The following LYRM4 variants were observed in gnomAD, a reference collection of about 807,000 sequenced individuals.
LYRM4 encodes the protein LYR motif containing 4.
LYRM4 carries 9 observed loss-of-function variants against 11.7 expected under a neutral mutation model. The observed-to-expected ratio is 0.77, with a 90% CI of 0.46 to 1.34. The LOEUF (loss-of-function observed/expected upper bound fraction) is 1.34. LYRM4 is among the 40% of genes most tolerant of loss of function. LYRM4 has a pLI of 0.00. For missense variants in LYRM4, 133 were observed against 112.5 expected, an observed-to-expected ratio of 1.18 and a Z score of -0.82; for synonymous variants, 42 against 40.4, an observed-to-expected ratio of 1.04 and a Z score of -0.15.
chr6:5,068,402 G>A, the LYRM4 span, among the ~76,000 whole-genome samples: 1 of 152,178 alleles, frequency 6.6e-6, no homozygotes, highest in Non-Finnish European at 1.5e-5. The surrounding 1 kb of genome is among the most constrained non-coding windows in gnomAD (Gnocchi z 4.0). Flanking sequence ...ATGGGCCACT[G>A]TTTACTGTCC....
At chr6:5,248,375 A>C (rs902060586) in intron 1 of LYRM4, among the ~76,000 whole-genome samples, 2 of 152,202 alleles carry the variant, frequency 1.3e-5, no homozygotes, top group African/African-American at 4.8e-5. Flanking sequence ...CGTCTTTTCT[A>C]TATGGGGTGA....
chr6:5,101,968 C>CTTTCTTTTTTTTTTTTTTTTTTTTTTT (rs1554124642), downstream of LYRM4, among the ~76,000 whole-genome samples: 1 of 67,988 alleles, frequency 1.5e-5, no homozygotes, highest in Non-Finnish European at 3.0e-5. Context: ...CTAATGCTTT[C>CTTTCTTTTTTTTTTTTTTTTTTTTTTT]TTTTTTTTTT....
intron 2 of LYRM4, among the ~76,000 whole-genome samples, chr6:5,159,150 T>C (rs1758598423): frequency 6.6e-6 from 1 of 152,240 alleles, no homozygotes; most frequent in Admixed American, 6.5e-5. Context: ...GATCGTACTC[T>C]TCCAAAGGAA....
the LYRM4 span, among the ~76,000 whole-genome samples, chr6:5,035,936 T>G: frequency 7.3e-5 from 11 of 150,144 alleles, no homozygotes; most frequent in African/African-American, 2.0e-4. Context: ...TTTAATTGAT[T>G]TGATGTTGTG....
At chr6:5,237,415 A>AAAC (rs1763614221) in intron 1 of LYRM4, among the ~76,000 whole-genome samples, 1 of 151,920 alleles carries the variant, frequency 6.6e-6, no homozygotes, top group Non-Finnish European at 1.5e-5. Flanking sequence ...AGTTGCAGGA[A>AAAC]AACAAGCTCA....
chr6:5,035,247 T>TG, the LYRM4 span, among the ~76,000 whole-genome samples: 3 of 151,996 alleles, frequency 2.0e-5, no homozygotes, highest in Admixed American at 6.5e-5. Context: ...ACCCTTACCC[T>TG]GGGGGGTCCA....
chr6:5,173,667 AT>A (rs1372099297), intron 2 of LYRM4, among the ~76,000 whole-genome samples: 1 of 152,194 alleles, frequency 6.6e-6, no homozygotes, highest in Non-Finnish European at 1.5e-5. Context: ...AACTTTTTTC[AT>A]TTACAAATTC....
intron 2 of LYRM4, among the ~76,000 whole-genome samples, chr6:5,115,628 A>G (rs990779583): frequency 7.9e-5 from 12 of 152,202 alleles, no homozygotes; most frequent in Non-Finnish European, 1.3e-4. Context: ...CCCCATGGAA[A>G]AGACCCCACA....
chr6:5,169,991 GACA>G lies in LYRM4; in HGVS notation c.207+46624_207+46626del, dbSNP rs542627189. Among the ~76,000 whole-genome samples, 328 of 152,346 alleles carry G rather than the reference GACA, an allele frequency of 2.2e-3. 2 individuals carry two copies. The highest frequency in any genetic ancestry group is 3.9e-3 in the Non-Finnish European group (263 of 68,036). On this transcript the variant is annotated intron_variant, in intron 2 of 2. Coordinates refer to ENST00000330636, the MANE Select transcript of LYRM4 (RefSeq NM_020408.6). The stretch of plus-strand genomic sequence containing the variant: ...CACGGCTATAGCCCAGGGTCACGCA[GACA>G]ACAACTGGGCAGGCTGACAGAGCTG...
At chr6:5,220,388 G>C (rs1169257443) in intron 1 of LYRM4, among the ~76,000 whole-genome samples, 1 of 152,140 alleles carries the variant, frequency 6.6e-6, no homozygotes, top group African/African-American at 2.4e-5. Flanking sequence ...AGCATCTCAA[G>C]TGCTGGTTTC....
At chr6:5,237,127 A>C (rs1763595882) in intron 1 of LYRM4, among the ~76,000 whole-genome samples, 1 of 152,166 alleles carries the variant, frequency 6.6e-6, no homozygotes, top group African/African-American at 2.4e-5. Flanking sequence ...TGGTGTTTAA[A>C]ACAGGGGTCC....
intron 2 of LYRM4, among the ~76,000 whole-genome samples, chr6:5,112,267 C>T (rs974872877): frequency 6.6e-6 from 1 of 152,234 alleles, no homozygotes; most frequent in African/African-American, 2.4e-5. Context: ...CTTCTCCACC[C>T]CCCTGAGAGC....
chr6:5,153,147 G>A (rs1342151079), intron 2 of LYRM4, among the ~76,000 whole-genome samples: 1 of 152,126 alleles, frequency 6.6e-6, no homozygotes, highest in African/African-American at 2.4e-5. Context: ...GTTCAGGCTG[G>A]AGTGCAGTCG....
intron 2 of LYRM4, among the ~76,000 whole-genome samples, chr6:5,134,423 C>CA (rs780032145): frequency 2.0e-5 from 3 of 152,120 alleles, no homozygotes; most frequent in Non-Finnish European, 4.4e-5. Flanking sequence ...AGATTACAGA[C>CA]AGATCACCCA....
chr6:5,035,496 T>TC, the LYRM4 span, among the ~76,000 whole-genome samples: 1 of 146,146 alleles, frequency 6.8e-6, no homozygotes, highest in Non-Finnish European at 1.5e-5. Context: ...CTCCTCCACC[T>TC]CCCCCACCAG....
chr6:5,167,453 T>G (rs1314497422), intron 2 of LYRM4, among the ~76,000 whole-genome samples: 2 of 152,234 alleles, frequency 1.3e-5, no homozygotes, highest in African/African-American at 4.8e-5. Flanking sequence ...TACACCATAA[T>G]GTATTTACTT....
At chr6:5,101,256 C>G (rs190024220), downstream of LYRM4, among the ~76,000 whole-genome samples, 2 of 152,320 alleles carry the variant, frequency 1.3e-5, no homozygotes, top group Admixed American at 1.3e-4. Context: ...AGAACTCGTA[C>G]AGCTATTTAC....
At position 5,146,905 on chromosome 6, in the gene LYRM4, G is replaced by A. The variant is rs140791185; in HGVS notation, c.208-37414C>T. 5.2e-3 allele frequency among the ~76,000 whole-genome samples: 799 copies of A among 152,260 alleles called. 8 individuals carry two copies. The highest frequency in any genetic ancestry group is 0.018 in the African/African-American group (762 of 41,534). The stretch of plus-strand genomic sequence containing the variant: ...ACATTCTCACATCAGGGATTTAGAG[G>A]GAAAGTGAGAGACCATCAAAGATGG... On this transcript the variant is annotated intron_variant, in intron 2 of 2. Coordinates refer to ENST00000330636, the MANE Select transcript of LYRM4 (RefSeq NM_020408.6).
chr6:5,060,671 G>C, the LYRM4 span, among the ~76,000 whole-genome samples: 24 of 152,174 alleles, frequency 1.6e-4, no homozygotes, highest in South Asian at 1.7e-3. Flanking sequence ...GGGATTACAG[G>C]CATGCGCCAT....
Sources: allele counts gnomAD v4.1 joint callset (sites outside exome capture counted in the v4.1 genomes callset), GRCh38; gene constraint gnomAD v4.1.1; non-coding constraint Gnocchi (gnomAD v3.1); transcripts MANE v1.5; gene names NCBI Gene and HGNC (gene_info 2026-07-23, HGNC 2026-07-21).